The following MAP3K20 variants were observed in gnomAD, a reference collection of about 807,000 sequenced individuals.
MAP3K20 encodes the protein HCCS-4.
MAP3K20 carries 40 observed loss-of-function variants against 85.7 expected under a neutral mutation model. The observed-to-expected ratio is 0.47, with a 90% confidence interval of 0.36 to 0.61. MAP3K20 has a LOEUF of 0.61. Ranked by LOEUF, MAP3K20 falls within the 20% of genes least tolerant of loss-of-function variation. The probability of loss-of-function intolerance (pLI) is 0.00; values close to 1 mark genes in which losing one functional copy is unlikely to be tolerated. For synonymous variants in MAP3K20, 325 were observed against 327.7 expected (o/e 0.99, Z 0.09); for missense variants, 817 against 961.7 (o/e 0.85, Z 1.99).
intron 14 of MAP3K20, among the ~76,000 whole-genome samples, chr2:173,234,402 C>A (rs991685623): frequency 3.9e-5 from 6 of 152,134 alleles, no homozygotes; most frequent in African/African-American, 1.4e-4. Context: ...TATGAAGATT[C>A]AAAGAAACCT....
chr2:173,133,191 T>C (rs1428729668), intron 2 of MAP3K20, among the ~76,000 whole-genome samples: 1 of 152,232 alleles, frequency 6.6e-6, no homozygotes, highest in Non-Finnish European at 1.5e-5. Flanking sequence ...AGCAAAGCAA[T>C]GTAAACATCT....
intron 7 of MAP3K20, among the ~76,000 whole-genome samples, chr2:173,196,096 T>C (rs1690827066): frequency 6.6e-6 from 1 of 151,936 alleles, no homozygotes; most frequent in Admixed American, 6.6e-5. Context: ...GTGTTTATCA[T>C]ACCTGCAGGC....
chr2:173,221,247 C>T (rs1366662443), intron 11 of MAP3K20: 1 of 1,613,826 alleles, frequency 6.2e-7, no homozygotes, highest in African/African-American at 1.3e-5. Context: ...CAGATCACAG[C>T]AACAAGTAAC....
intron 2 of MAP3K20, among the ~76,000 whole-genome samples, chr2:173,123,202 G>C (rs1688348832): frequency 6.6e-6 from 1 of 152,174 alleles, no homozygotes; most frequent in African/African-American, 2.4e-5. Flanking sequence ...AGCTCTCAGA[G>C]ACTTCTGGCT....
chr2:173,227,785 G>A lies in MAP3K20; in HGVS notation c.988-1904G>A, dbSNP rs575225318. 2.6e-5 allele frequency among the ~76,000 whole-genome samples: 4 copies of A among 152,218 alleles called. No homozygotes were observed. In the East Asian group the frequency reaches 5.8e-4, roughly 22 times the overall value. ...CTACACATCCCCTCCCCCCAACCCA[G>A]TTTCTATAAAGGTGAGCCTTGATGC... On this transcript the variant is annotated intron_variant, in intron 11 of 19. Coordinates refer to ENST00000375213, the MANE Select transcript of MAP3K20 (RefSeq NM_016653.3).
intron 2 of MAP3K20, among the ~76,000 whole-genome samples, chr2:173,141,267 CAT>C (rs1037589973): frequency 3.9e-5 from 6 of 152,110 alleles, no homozygotes; most frequent in East Asian, 3.9e-4. Context: ...ACATATTAGA[CAT>C]GTGAAGTTGT....
intron 2 of MAP3K20, among the ~76,000 whole-genome samples, chr2:173,106,730 GGAA>G (rs1303075017): frequency 1.3e-5 from 2 of 152,184 alleles, no homozygotes; most frequent in South Asian, 2.1e-4. Flanking sequence ...AAGTAAGGAG[GGAA>G]GACTTCAGGG....
intron 16 of MAP3K20, among the ~76,000 whole-genome samples, chr2:173,252,407 C>T (rs1685060199): frequency 6.6e-6 from 1 of 152,188 alleles, no homozygotes; most frequent in African/African-American, 2.4e-5. Context: ...AATGCTTTCT[C>T]ATCCTCCATT....
intron 16 of MAP3K20, among the ~76,000 whole-genome samples, chr2:173,243,706 C>T (rs1684848779): frequency 6.6e-6 from 1 of 152,224 alleles, no homozygotes; most frequent in Non-Finnish European, 1.5e-5. Flanking sequence ...CAAGCTCCGC[C>T]TCCCGGGTTC....
Position 173,106,342 on chromosome 2 carries a change from T to C in MAP3K20, c.159+15152T>C, listed in dbSNP as rs562495683. Among the ~76,000 whole-genome samples, 13 of 152,314 alleles carry C rather than the reference T, an allele frequency of 8.5e-5. No homozygotes were observed. In the East Asian group the frequency reaches 1.3e-3, roughly 16 times the overall value. On this transcript the variant is annotated intron_variant, in intron 2 of 19. Coordinates refer to ENST00000375213, the MANE Select transcript of MAP3K20 (RefSeq NM_016653.3). ...AGATAGTGTGGTATTTGTGTGTAGA[T>C]AGACTAGTGGAACCGAACAGAGAGT...
At chr2:173,087,214 G>A (rs1032567424) in intron 1 of MAP3K20, among the ~76,000 whole-genome samples, 4 of 152,200 alleles carry the variant, frequency 2.6e-5, no homozygotes, top group African/African-American at 9.7e-5. Flanking sequence ...GAATTAAGTG[G>A]GAAAGATAAA....
intron 11 of MAP3K20, chr2:173,222,969 C>A: frequency 1.0e-6 from 1 of 985,354 alleles, no homozygotes; most frequent in Non-Finnish European, 1.2e-6. Flanking sequence ...GACTGTTAAA[C>A]CAAAATATTT....
chr2:173,220,532 A>G (rs974320517), intron 11 of MAP3K20, among the ~76,000 whole-genome samples: 3 of 152,236 alleles, frequency 2.0e-5, no homozygotes, highest in African/African-American at 7.2e-5. Context: ...AATAATTTGA[A>G]TAAATAGTAT....
intron 2 of MAP3K20, among the ~76,000 whole-genome samples, chr2:173,122,619 G>A (rs928069671): frequency 5.3e-5 from 8 of 152,052 alleles, no homozygotes. Flanking sequence ...GTGATTCTGT[G>A]ACTCTCCATT....
intron 16 of MAP3K20, among the ~76,000 whole-genome samples, chr2:173,246,062 C>T (rs1684905679): frequency 6.6e-6 from 1 of 152,154 alleles, no homozygotes; most frequent in Non-Finnish European, 1.5e-5. Flanking sequence ...TTCCTTCGTA[C>T]TTCTGGTGAG....
At chr2:173,224,946 C>T (rs1420594286) in intron 11 of MAP3K20, 1 of 980,728 alleles carries the variant, frequency 1.0e-6, no homozygotes. Context: ...GATTTAGTTC[C>T]AACTACTTGA....
At chr2:173,219,144 T>C (rs1480132899) in intron 11 of MAP3K20, among the ~76,000 whole-genome samples, 1 of 152,244 alleles carries the variant, frequency 6.6e-6, no homozygotes, top group African/African-American at 2.4e-5. Flanking sequence ...TCACATCAGT[T>C]TCTGTTTAGC....
At position 173,209,689 on chromosome 2, in the gene MAP3K20, T is replaced by TTAAG. The variant is rs780818063; in HGVS notation, c.745-38_745-35dup. On this transcript the variant is annotated intron_variant, in intron 9 of 19. Transcript: ENST00000375213. Reference sequence around the variant, plus strand: ...CGTTTTCTCTTAAATATCTCCTTTCTTAAGTCCCAGCGAATGATTACTTAT... The same window carrying TTAAG: ...CGTTTTCTCTTAAATATCTCCTTTCTTAAGTAAGTCCCAGCGAATGATTACTTAT... The TTAAG allele has an allele frequency of 2.9e-5, 45 of 1,547,776 alleles. No individual in the cohort carries two copies. In the South Asian group the frequency reaches 3.3e-4, roughly 12 times the overall value.
Position 173,182,859 on chromosome 2 carries a change from G to A in MAP3K20, c.253G>A (p.Ala85Thr). The A allele has an allele frequency of 6.3e-7, 1 of 1,585,830 alleles. No homozygotes were observed. Among genetic ancestry groups the A allele is most frequent in the Non-Finnish European group, 8.6e-7 (1 of 1,168,046 alleles). ...PPNYGIVTEY[A>T]SLGSLYDYIN... Reference sequence around the variant, plus strand: ...TATCTTTCCTTTTAAAATAGAATATGCTTCTCTGGGATCACTCTATGATTA... The same window carrying A: ...TATCTTTCCTTTTAAAATAGAATATACTTCTCTGGGATCACTCTATGATTA... Residue 85 changes from alanine to threonine, a missense_variant, in exon 4 of 20, where the codon GCT (alanine) becomes ACT (threonine). By Grantham distance (58) the Ala-to-Thr change is moderately conservative. Coordinates refer to ENST00000375213, the MANE Select transcript of MAP3K20 (RefSeq NM_016653.3).
Sources: allele counts gnomAD v4.1 joint callset (sites outside exome capture counted in the v4.1 genomes callset), GRCh38; gene constraint gnomAD v4.1.1; transcripts MANE v1.5; gene names NCBI Gene and HGNC (gene_info 2026-07-23, HGNC 2026-07-21).